The following GRHL3 variants were observed in gnomAD, a reference collection of about 807,000 sequenced individuals.
The protein encoded by GRHL3 is grainyhead like transcription factor 3.
In GRHL3, 20 loss-of-function variants were observed where a neutral mutation model predicts 70.3. That is an observed-to-expected ratio of 0.28 (90% CI 0.20 to 0.41). The LOEUF is 0.41. Ranked by LOEUF, GRHL3 falls within the 10% of genes least tolerant of loss-of-function variation. The pLI is 1.00. For missense variants in GRHL3, 637 were observed against 762.3 expected, an observed-to-expected ratio of 0.84 and a Z score of 1.94; for synonymous variants, 299 against 299.9, an observed-to-expected ratio of 1.00 and a Z score of 0.03.
rs1639895243 is a variant in GRHL3, at chr1:24,338,092, T to C, written c.941T>C (p.Val314Ala). 1.2e-6 allele frequency: 2 copies of C among 1,607,830 alleles called. No homozygotes were observed. Among genetic ancestry groups the C allele is most frequent in the Non-Finnish European group, 1.7e-6 (2 of 1,176,838 alleles). ...CGGCAACCCACTGCCAAGCAGCGGG[T>C]CATTGACGTGGGTGAGAGCCTTCTC... is the stretch of plus-strand genomic sequence containing the variant. ...HSRQPTAKQR[V>A]IDVADCKENF... The change falls in exon 7 of 16, where the codon GTC (valine) becomes GCC (alanine). Residue 314 changes from valine to alanine, a missense_variant. Coordinates refer to ENST00000361548, the MANE Select transcript of GRHL3 (RefSeq NM_198173.3).
intron 1 of GRHL3, among the ~76,000 whole-genome samples, chr1:24,325,408 A>G (rs1156739647): frequency 6.6e-6 from 1 of 152,222 alleles, no homozygotes; most frequent in Non-Finnish European, 1.5e-5. Flanking sequence ...CCTCTCTGGA[A>G]CTAGACCTCT....
chr1:24,337,831 CA>C, intron 6 of GRHL3, 42 bp downstream of exon 6: 1 of 1,612,236 alleles, frequency 6.2e-7, no homozygotes. Flanking sequence ...TGGAATGGGG[CA>C]AGATATACCT....
chr1:24,326,582 G>A lies in GRHL3; in HGVS notation c.18-4844G>A, dbSNP rs192619499. On this transcript the variant is annotated intron_variant, in intron 1 of 15. Transcript: ENST00000361548. ...TTACTGCCACTAAAATGCAACCTCC[G>A]TGTCGGCAGGGATGACCTCGTTATC... Among the ~76,000 whole-genome samples, 266 of 152,254 alleles carry A rather than the reference G, an allele frequency of 1.7e-3. 1 individual carries two copies. The highest frequency in any genetic ancestry group is 6.1e-3 in the African/African-American group (252 of 41,548).
At chr1:24,364,370 G>A in exon 16 of GRHL3, 3 of 1,538,676 alleles carry the variant, frequency 1.9e-6, no homozygotes, top group Non-Finnish European at 2.6e-6. Context: ...AACTCGGAAT[G>A]ACACACCCAC....
intron 11 of GRHL3, among the ~76,000 whole-genome samples, chr1:24,344,681 C>A (rs997312513): frequency 2.6e-5 from 4 of 151,844 alleles, no homozygotes; most frequent in African/African-American, 9.7e-5. Flanking sequence ...TTCATTGAGT[C>A]CTTGACCCAT....
At chr1:24,346,890 T>C (rs143735185) in intron 13 of GRHL3, among the ~76,000 whole-genome samples, 47 of 152,302 alleles carry the variant, frequency 3.1e-4, no homozygotes, top group African/African-American at 1.0e-3. Context: ...GCTGGCATAG[T>C]CAGCAGGCTG....
intron 1 of GRHL3, among the ~76,000 whole-genome samples, chr1:24,330,380 C>T (rs1032309391): frequency 8.5e-5 from 13 of 152,188 alleles, no homozygotes; most frequent in Admixed American, 6.5e-4. Context: ...ATTGCATCAC[C>T]CTGAAGGAGC....
At chr1:24,364,331 C>G in exon 16 of GRHL3, 2 of 1,549,278 alleles carry the variant, frequency 1.3e-6, no homozygotes, top group Non-Finnish European at 1.7e-6. Flanking sequence ...CCCAGCCCCA[C>G]CACCGTCAAC....
At chr1:24,328,287 G>T (rs953336948) in intron 1 of GRHL3, among the ~76,000 whole-genome samples, 1 of 152,204 alleles carries the variant, frequency 6.6e-6, no homozygotes, top group Non-Finnish European at 1.5e-5. Flanking sequence ...TCACCTATTT[G>T]AGTCTCAATT....
intron 4 of GRHL3, 71 bp from the exon 5 acceptor site, chr1:24,337,007 C>A: frequency 6.9e-7 from 1 of 1,458,824 alleles, no homozygotes; most frequent in Non-Finnish European, 9.6e-7. Flanking sequence ...AGCTGTAATG[C>A]ACAGCCCTGG....
downstream of GRHL3, among the ~76,000 whole-genome samples, chr1:24,359,378 AT>A (rs375037053): frequency 4.1e-4 from 62 of 152,322 alleles, no homozygotes; most frequent in East Asian, 0.011. The surrounding 1 kb of genome is among the most constrained non-coding windows in gnomAD (Gnocchi z 5.3). Flanking sequence ...ATCCCTGCCT[AT>A]GCCCTACCCT....
In GRHL3 at chr1:24,342,872, T is replaced by G; in HGVS notation, c.1286-20T>G. 2 of 1,614,116 alleles carry G rather than the reference T, an allele frequency of 1.2e-6. No individual in the cohort carries two copies. The highest frequency in any genetic ancestry group is 8.5e-7 in the Non-Finnish European group (1 of 1,180,002). Reference sequence around the variant, plus strand: ...TGAGTGGAGGGACCTCGGGGCACATTGGCTTCCTTCTCCCATCAGGCGTCA... The same window carrying G: ...TGAGTGGAGGGACCTCGGGGCACATGGGCTTCCTTCTCCCATCAGGCGTCA... On this transcript the variant is annotated intron_variant, in intron 10 of 15. Coordinates refer to ENST00000361548, the MANE Select transcript of GRHL3 (RefSeq NM_198173.3). The surrounding 1 kb of genome is among the most constrained non-coding windows in gnomAD (Gnocchi z 4.8).
intron 15 of GRHL3, among the ~76,000 whole-genome samples, chr1:24,360,680 CA>C (rs1641045293): frequency 6.6e-6 from 1 of 152,190 alleles, no homozygotes; most frequent in African/African-American, 2.4e-5. Context: ...CCTTAAAAAA[CA>C]AAACATTTTT....
rs907653952 is a variant in GRHL3 at position 24,334,343 on chromosome 1, A to G, written c.205-302A>G. On this transcript the variant is annotated intron_variant, in intron 2 of 15. Transcript: ENST00000361548. This position sits in a 1 kb window ranked among gnomAD's most constrained non-coding sequence, Gnocchi z 4.3. Reference sequence around the variant, plus strand: ...GGGAAGCAAACACATCCTTCTTCACATGGCGGCAGCAAGGAAAAGTCCCGA... The same window carrying G: ...GGGAAGCAAACACATCCTTCTTCACGTGGCGGCAGCAAGGAAAAGTCCCGA... Among the ~76,000 whole-genome samples the G allele has an allele frequency of 6.6e-6, 1 of 152,186 alleles. No homozygotes were observed. The highest frequency in any genetic ancestry group is 2.4e-5 in the African/African-American group (1 of 41,430).
chr1:24,347,633 T>C (rs2148664399), intron 14 of GRHL3, 80 bp downstream of exon 14: 1 of 1,162,592 alleles, frequency 8.6e-7, no homozygotes, highest in Non-Finnish European at 1.3e-6. Context: ...GCAGTTCTGA[T>C]TTCCCACAGG....
intron 15 of GRHL3, among the ~76,000 whole-genome samples, chr1:24,352,515 C>T (rs932433982): frequency 2.0e-5 from 3 of 152,158 alleles, no homozygotes; most frequent in Non-Finnish European, 4.4e-5. Context: ...GAAGAGGGGT[C>T]TGTGGGCCCA....
chr1:24,358,724 A>T, downstream of GRHL3: 2 of 793,780 alleles, frequency 2.5e-6, no homozygotes, highest in South Asian at 3.3e-5. Context: ...CCCCTGTGCC[A>T]GCCCCTGTAT....
intron 15 of GRHL3, chr1:24,364,166 C>G: frequency 1.3e-6 from 2 of 1,487,708 alleles, no homozygotes; most frequent in Non-Finnish European, 9.0e-7. Flanking sequence ...CAATTCTTGA[C>G]GTTCTCACTT....
At position 24,322,929 on chromosome 1, in the gene GRHL3, G is replaced by T. The variant is rs557681087; in HGVS notation, c.17+3361G>T. 4.7e-6 allele frequency: 3 copies of T among 640,726 alleles called. No homozygotes were observed. The highest frequency in any genetic ancestry group is 1.9e-5 in the South Asian group (1 of 52,092). The allele number at this position is 640,726 out of a possible 1,614,324, so 39.7% of individuals were successfully genotyped here. Reference sequence around the variant, plus strand: ...TTGCCGAAGAGGGGACCCAGACCTGGTTCAGGCTTGCCCAAGGTCTCACGG... The same window carrying T: ...TTGCCGAAGAGGGGACCCAGACCTGTTTCAGGCTTGCCCAAGGTCTCACGG... On this transcript the variant is annotated intron_variant, in intron 1 of 15. Transcript: ENST00000361548. This position sits in a 1 kb window ranked among gnomAD's most constrained non-coding sequence, Gnocchi z 4.4.
Sources: allele counts gnomAD v4.1 joint callset (sites outside exome capture counted in the v4.1 genomes callset), GRCh38; gene constraint gnomAD v4.1.1; non-coding constraint Gnocchi (gnomAD v3.1); transcripts MANE v1.5; gene names NCBI Gene and HGNC (gene_info 2026-07-23, HGNC 2026-07-21).